PIAS2: variants seen among roughly 807,000 people sequenced by gnomAD.
The protein encoded by PIAS2 is E3 SUMO-protein ligase PIAS2.
PIAS2 carries 19 observed loss-of-function variants against 69.7 expected under a neutral mutation model. The ratio of observed to expected loss-of-function variants is 0.27; its 90% confidence interval spans 0.19 to 0.40. PIAS2 has a LOEUF of 0.40. Among genes scored for constraint, PIAS2 ranks in the 10% least tolerant of loss-of-function variants. PIAS2 has a pLI of 1.00. For synonymous variants in PIAS2, 261 were observed against 263.2 expected (o/e 0.99, Z 0.08); for missense variants, 624 against 757.0 (o/e 0.82, Z 2.06).
intron 12 of PIAS2, chr18:46,816,828 A>G (rs1243169823): frequency 1.0e-6 from 1 of 984,214 alleles, no homozygotes; most frequent in African/African-American, 1.7e-5. Flanking sequence ...GTTTGAGCCA[A>G]TACTAAACCA....
chr18:46,840,341 C>T (rs1236548434), intron 8 of PIAS2, among the ~76,000 whole-genome samples: 2 of 152,156 alleles, frequency 1.3e-5, no homozygotes, highest in African/African-American at 2.4e-5. Context: ...GGGTAACCCA[C>T]GTTAAACATC....
chr18:46,894,797 G>A (rs1306925780), intron 1 of PIAS2, among the ~76,000 whole-genome samples: 8 of 152,052 alleles, frequency 5.3e-5, no homozygotes, highest in East Asian at 1.9e-4. Context: ...TAGGCTGGGC[G>A]CGGTGGCTCA....
intron 1 of PIAS2, 132 bp from the exon 2 acceptor site, chr18:46,891,186 T>A (rs758168669): frequency 1.1e-5 from 8 of 696,512 alleles, no homozygotes; most frequent in Non-Finnish European, 2.0e-5. Flanking sequence ...GCATTTCACA[T>A]ACCACTTAGA....
At chr18:46,902,452 C>T (rs1486255909) in intron 1 of PIAS2, among the ~76,000 whole-genome samples, 2 of 151,586 alleles carry the variant, frequency 1.3e-5, no homozygotes, top group Non-Finnish European at 2.9e-5. Flanking sequence ...CCCAGCTACT[C>T]GGGAGGTTGA....
chr18:46,833,638 A>G (rs1194569155), intron 9 of PIAS2, among the ~76,000 whole-genome samples: 1 of 152,222 alleles, frequency 6.6e-6, no homozygotes, highest in East Asian at 1.9e-4. Context: ...GCTTTTATTC[A>G]AGTGAACATG....
chr18:46,906,420 A>G (rs2056601832), intron 1 of PIAS2: 1 of 152,166 alleles, frequency 6.6e-6, no homozygotes, highest in Non-Finnish European at 1.5e-5. Context: ...CTGTCTGCAT[A>G]GAAAAATCCA....
chr18:46,904,308 C>T (rs549413933), intron 1 of PIAS2: 27 of 152,066 alleles, frequency 1.8e-4, no homozygotes, highest in African/African-American at 6.0e-4. Flanking sequence ...ATTAAAACTA[C>T]AAGGAGTAAG....
intron 6 of PIAS2, 136 bp from the exon 7 acceptor site, chr18:46,844,975 C>T (rs764847495): frequency 1.2e-5 from 5 of 410,474 alleles, no homozygotes; most frequent in African/African-American, 4.1e-5. Context: ...TCAATCACTG[C>T]GAAGGGGACA....
In PIAS2 at chr18:46,806,736, G is replaced by A. The variant is rs1393933195; in HGVS notation, c.*5697C>T. ...AAACTTCTGTAACACTCTATTCCAC[G>A]TGTACTTACAAAACACTCTAAACAT... On this transcript the variant is annotated 3_prime_UTR_variant, in exon 14 of 14. Transcript: ENST00000585916. 3 of 152,104 alleles carry A rather than the reference G, an allele frequency of 2.0e-5. No individual in the cohort carries two copies. Among genetic ancestry groups the A allele is most frequent in the South Asian group, 2.1e-4 (1 of 4,818 alleles). 9.4% of individuals were successfully genotyped at this position (152,104 alleles called of 1,614,324 possible).
At chr18:46,863,945 T>C (rs2049040238) in intron 3 of PIAS2, among the ~76,000 whole-genome samples, 1 of 152,182 alleles carries the variant, frequency 6.6e-6, no homozygotes, top group Non-Finnish European at 1.5e-5. Flanking sequence ...ACGGATGCAC[T>C]AGCACAGAGA....
chr18:46,880,162 G>A (rs189716163), intron 2 of PIAS2, among the ~76,000 whole-genome samples: 64 of 151,616 alleles, frequency 4.2e-4, no homozygotes, highest in African/African-American at 1.5e-3. Context: ...TTGGAAGGCC[G>A]AGACGGGAGG....
chr18:46,829,654 G>A (rs913213808), intron 10 of PIAS2, 80 bp downstream of exon 10: 16 of 1,236,470 alleles, frequency 1.3e-5, no homozygotes, highest in South Asian at 3.0e-5. Context: ...AATTCCAAAC[G>A]TATAGTTCTA....
intron 8 of PIAS2, among the ~76,000 whole-genome samples, chr18:46,841,248 T>G (rs763255353): frequency 1.3e-5 from 2 of 152,230 alleles, no homozygotes; most frequent in Admixed American, 1.3e-4. Flanking sequence ...CTCCCACTTT[T>G]CAGACTCACG....
intron 12 of PIAS2, chr18:46,818,107 T>G (rs1260844112): frequency 9.6e-7 from 1 of 1,039,240 alleles, no homozygotes; most frequent in Non-Finnish European, 1.2e-6. Context: ...TTTAAAAATT[T>G]TAAGTGCTTC....
chr18:46,871,911 A>G (rs2050413202), intron 2 of PIAS2, among the ~76,000 whole-genome samples: 1 of 152,334 alleles, frequency 6.6e-6, no homozygotes, highest in East Asian at 1.9e-4. Flanking sequence ...CATTAAATCT[A>G]CTTACCACTG....
At chr18:46,919,604 G>A (rs760716743), upstream of PIAS2, among the ~76,000 whole-genome samples, 3 of 152,088 alleles carry the variant, frequency 2.0e-5, no homozygotes, top group South Asian at 2.1e-4. Flanking sequence ...AGCTGCGATC[G>A]CACCATTGCA....
At chr18:46,817,555 T>C in intron 12 of PIAS2, 3 of 924,320 alleles carry the variant, frequency 3.2e-6, no homozygotes, top group Non-Finnish European at 2.6e-6. Flanking sequence ...TAGAAAACAA[T>C]TAAGAGATTT....
In PIAS2 at chr18:46,812,539, CTGG is replaced by C. The variant is rs2041075298; in HGVS notation, c.1757_1759del (p.Thr586del). The C allele has an allele frequency of 1.2e-6, 2 of 1,612,946 alleles. No individual in the cohort carries two copies. The highest frequency in any genetic ancestry group is 2.2e-5 in the South Asian group (2 of 91,028). On this transcript the variant is annotated inframe_deletion, in exon 14 of 14. Coordinates refer to ENST00000585916, the MANE Select transcript of PIAS2 (RefSeq NM_004671.5). ...AACATGAGTACTGCTTTCATGGGAGCTGGTGGTGGTGACAGACGTACTGCTTGC... is the reference window on the plus strand; with the variant it reads ...AACATGAGTACTGCTTTCATGGGAGCTGGTGGTGACAGACGTACTGCTTGC...
At position 46,804,648 on chromosome 18, in the gene PIAS2, A is replaced by G. The variant is rs1321526989; in HGVS notation, c.*7785T>C. On this transcript the variant is annotated 3_prime_UTR_variant, in exon 14 of 14. Coordinates refer to ENST00000585916, the MANE Select transcript of PIAS2 (RefSeq NM_004671.5). ...GGACAAGCTTTTCATCAATCCTCAC[A>G]TTTCTCCACATTACTTCTATTAAAT... is the stretch of plus-strand genomic sequence containing the variant. 2 of 152,048 alleles carry G rather than the reference A, an allele frequency of 1.3e-5. No individual in the cohort carries two copies. The highest frequency in any genetic ancestry group is 2.9e-5 in the Non-Finnish European group (2 of 68,014). The allele number at this position is 152,048 out of a possible 1,614,324, so 9.4% of individuals were successfully genotyped here.
Sources: gnomAD v4.1 joint callset for allele counts (sites outside exome capture counted in the v4.1 genomes callset) on GRCh38, gnomAD v4.1.1 for gene constraint, MANE v1.5 for transcripts, NCBI Gene and HGNC (gene_info 2026-07-23, HGNC 2026-07-21) for gene names.